The following PDE4B variants were observed in gnomAD, a reference collection of about 807,000 sequenced individuals.
PDE4B encodes phosphodiesterase 4B, also known as 3',5'-cyclic-AMP phosphodiesterase 4B.
Under a neutral mutation model 82.2 loss-of-function variants are expected in PDE4B, and 20 were observed. The ratio of observed to expected loss-of-function variants is 0.24; its 90% CI spans 0.17 to 0.35. The LOEUF is 0.35. PDE4B is among the 10% of genes least tolerant of loss of function. The pLI, the probability that PDE4B is intolerant of heterozygous loss-of-function variation, is 1.00. For missense variants in PDE4B, 655 were observed against 907.2 expected (o/e 0.72, Z 3.57); for synonymous variants, 320 against 318.9 (o/e 1.00, Z -0.04).
intron 3 of PDE4B, among the ~76,000 whole-genome samples, chr1:65,957,547 A>G (rs1376104914): frequency 6.6e-6 from 1 of 152,056 alleles, no homozygotes; most frequent in Admixed American, 6.6e-5. Flanking sequence ...CATCATGTAA[A>G]TTTTAAAATC....
intron 6 of PDE4B, among the ~76,000 whole-genome samples, chr1:66,265,213 C>G (rs1198127816): frequency 2.6e-5 from 4 of 152,162 alleles, no homozygotes; most frequent in African/African-American, 9.7e-5. Context: ...AATAAGACTT[C>G]CAGGTGATTC....
At chr1:65,880,094 T>G (rs1297673025) in intron 1 of PDE4B, among the ~76,000 whole-genome samples, 1 of 152,192 alleles carries the variant, frequency 6.6e-6, no homozygotes, top group African/African-American at 2.4e-5. Flanking sequence ...TGTTTGTACC[T>G]TCATTTGCTA....
chr1:66,309,923 C>T (rs761506050), intron 7 of PDE4B, among the ~76,000 whole-genome samples: 25 of 152,130 alleles, frequency 1.6e-4, no homozygotes, highest in African/African-American at 5.3e-4. Flanking sequence ...CAAACATTGA[C>T]GTCCTGGGGT....
At chr1:66,109,447 G>A (rs1645437392) in intron 3 of PDE4B, among the ~76,000 whole-genome samples, 1 of 147,100 alleles carries the variant, frequency 6.8e-6, no homozygotes, top group Non-Finnish European at 1.5e-5. Context: ...ACACATTTAT[G>A]TATAATTTTT....
chr1:66,329,589 C>G (rs1473923237), intron 7 of PDE4B, among the ~76,000 whole-genome samples: 2 of 152,142 alleles, frequency 1.3e-5, no homozygotes, highest in African/African-American at 4.8e-5. Context: ...ACACTCTTTT[C>G]TACCCTTCAA....
At chr1:65,811,181 A>C (rs1570960498) in intron 1 of PDE4B, among the ~76,000 whole-genome samples, 1 of 152,242 alleles carries the variant, frequency 6.6e-6, no homozygotes. Flanking sequence ...AGAACACCCC[A>C]TGAGGCTCAT....
At chr1:65,887,242 CTTTCT>C (rs1557798999) in intron 1 of PDE4B, among the ~76,000 whole-genome samples, 1,188 of 20,618 alleles carry the variant, frequency 0.058, 64 homozygotes, top group African/African-American at 0.17. Flanking sequence ...TTCTTTCTTT[CTTTCT>C]TTTCTTTCTT....
intron 7 of PDE4B, chr1:66,266,658 C>G (rs1446268967): frequency 1.9e-6 from 1 of 516,972 alleles, no homozygotes; most frequent in Non-Finnish European, 4.0e-6. Context: ...AGAACCTAAC[C>G]TCTCATCTTT....
chr1:65,940,774 C>T (rs1302789671), intron 3 of PDE4B, among the ~76,000 whole-genome samples: 7 of 151,778 alleles, frequency 4.6e-5, no homozygotes, highest in Non-Finnish European at 1.0e-4. Flanking sequence ...CAATTTTGGA[C>T]AAGTATAAAA....
In PDE4B at chr1:65,899,347, C is replaced by T. The variant is rs117755807; in HGVS notation, c.-70-13898C>T. Among the ~76,000 whole-genome samples, 25 of 151,506 alleles carry T rather than the reference C, an allele frequency of 1.7e-4. No homozygotes were observed. In the East Asian group the frequency reaches 2.5e-3, roughly 15 times the overall value. On this transcript the variant is annotated intron_variant, in intron 1 of 16. Coordinates refer to ENST00000341517, the MANE Select transcript of PDE4B (RefSeq NM_002600.4). ...TAGATGTTGGTGTTGATGCAGTGAACGGAGAACACTTCTACACTGCTGGTG... is the reference window on the plus strand; with the variant it reads ...TAGATGTTGGTGTTGATGCAGTGAATGGAGAACACTTCTACACTGCTGGTG...
At chr1:65,858,073 T>C (rs1646413277) in intron 1 of PDE4B, among the ~76,000 whole-genome samples, 1 of 152,224 alleles carries the variant, frequency 6.6e-6, no homozygotes, top group Non-Finnish European at 1.5e-5. Flanking sequence ...GACTCAGGGA[T>C]CTATCTCTTG....
chr1:66,163,875 G>C (rs1019690582), intron 3 of PDE4B, among the ~76,000 whole-genome samples: 2 of 152,166 alleles, frequency 1.3e-5, no homozygotes, highest in South Asian at 2.1e-4. Context: ...GAAGCTGCCT[G>C]CTTAGGTGAG....
intron 7 of PDE4B, among the ~76,000 whole-genome samples, chr1:66,308,370 G>A (rs1658432712): frequency 1.3e-5 from 2 of 152,080 alleles, no homozygotes; most frequent in African/African-American, 4.8e-5. Flanking sequence ...TATGCAGAGA[G>A]AAAAGTGCAC....
chr1:65,866,806 G>C (rs1646516833), intron 1 of PDE4B, among the ~76,000 whole-genome samples: 1 of 152,184 alleles, frequency 6.6e-6, no homozygotes, highest in Admixed American at 6.5e-5. Flanking sequence ...AAAAAGGATT[G>C]ATTAGAGAGA....
chr1:66,221,399 A>G (rs898642215), intron 3 of PDE4B, among the ~76,000 whole-genome samples: 7 of 152,210 alleles, frequency 4.6e-5, no homozygotes, highest in Non-Finnish European at 7.3e-5. Context: ...GCTCAAGGGC[A>G]TAGAGAGATA....
intron 3 of PDE4B, among the ~76,000 whole-genome samples, chr1:66,216,888 T>C (rs1385010462): frequency 6.6e-6 from 1 of 152,144 alleles, no homozygotes; most frequent in Non-Finnish European, 1.5e-5. Context: ...TAGTGTGTTA[T>C]CAATTTCAGC....
At chr1:66,017,166 A>G (rs961287066) in intron 3 of PDE4B, among the ~76,000 whole-genome samples, 27 of 152,196 alleles carry the variant, frequency 1.8e-4, no homozygotes, top group Non-Finnish European at 3.5e-4. Context: ...GTTGAATATT[A>G]GAGCAAACAT....
chr1:65,882,443 A>G (rs983707422), intron 1 of PDE4B, among the ~76,000 whole-genome samples: 1 of 152,198 alleles, frequency 6.6e-6, no homozygotes, highest in African/African-American at 2.4e-5. Flanking sequence ...GTCTTCTCAC[A>G]GAAGTGTAAG....
intron 7 of PDE4B, among the ~76,000 whole-genome samples, chr1:66,307,598 T>C (rs1462861698): frequency 6.6e-6 from 1 of 152,150 alleles, no homozygotes; most frequent in Non-Finnish European, 1.5e-5. Flanking sequence ...CTTGACATAA[T>C]GACTGTGGAG....
Sources: allele counts gnomAD v4.1 joint callset (sites outside exome capture counted in the v4.1 genomes callset), GRCh38; gene constraint gnomAD v4.1.1; transcripts MANE v1.5; gene names NCBI Gene and HGNC (gene_info 2026-07-23, HGNC 2026-07-21).